THSD7A: variants seen among roughly 807,000 people sequenced by gnomAD.
THSD7A encodes thrombospondin type 1 domain containing 7A.
A neutral mutation model predicts 231.3 loss-of-function variants in THSD7A; 96 were observed. The ratio of observed to expected loss-of-function variants is 0.41; its 90% CI spans 0.35 to 0.49. THSD7A has a LOEUF of 0.49. Among genes scored for constraint, THSD7A ranks in the 20% least tolerant of loss-of-function variants. THSD7A has a pLI of 0.05. For synonymous variants in THSD7A, 940 were observed against 743.3 expected, an observed-to-expected ratio of 1.26 and a Z score of -4.30; for missense variants, 2,290 against 2,070.2, an observed-to-expected ratio of 1.11 and a Z score of -2.06.
intron 1 of THSD7A, among the ~76,000 whole-genome samples, chr7:11,676,015 C>T (rs1783623299): frequency 6.6e-6 from 1 of 152,180 alleles, no homozygotes; most frequent in African/African-American, 2.4e-5. Flanking sequence ...TACAAGAGAG[C>T]CCTGGCTGGA....
chr7:11,701,765 T>C (rs1446113246), intron 1 of THSD7A, among the ~76,000 whole-genome samples: 5 of 151,144 alleles, frequency 3.3e-5, no homozygotes, highest in African/African-American at 7.3e-5. Flanking sequence ...CTAGCTGACA[T>C]GTTTATATAT....
chr7:11,765,375 A>G (rs1336612719), intron 1 of THSD7A, among the ~76,000 whole-genome samples: 3 of 152,214 alleles, frequency 2.0e-5, no homozygotes, highest in Non-Finnish European at 4.4e-5. Flanking sequence ...GCATGTGTTA[A>G]TGAGATATAC....
chr7:11,744,837 A>C (rs528714697), intron 1 of THSD7A, among the ~76,000 whole-genome samples: 3 of 152,014 alleles, frequency 2.0e-5, no homozygotes, highest in South Asian at 2.1e-4. Flanking sequence ...AATCCAGTCT[A>C]TCATTTTTTG....
At chr7:11,434,946 G>C (rs1239207290) in intron 13 of THSD7A, among the ~76,000 whole-genome samples, 3 of 151,680 alleles carry the variant, frequency 2.0e-5, no homozygotes, top group African/African-American at 7.3e-5. Context: ...ATCAATATTA[G>C]GCAATTAATT....
chr7:11,488,705 A>G (rs1786763837), intron 6 of THSD7A, among the ~76,000 whole-genome samples: 1 of 152,054 alleles, frequency 6.6e-6, no homozygotes, highest in African/African-American at 2.4e-5. Context: ...TCTAAAATCT[A>G]AGTCTGAATA....
chr7:11,788,001 T>C (rs578053000), intron 1 of THSD7A, among the ~76,000 whole-genome samples: 3 of 152,194 alleles, frequency 2.0e-5, no homozygotes, highest in East Asian at 3.9e-4. Flanking sequence ...TTCTACAGTC[T>C]GCAAAGTTCA....
chr7:11,755,063 G>C (rs958532265), intron 1 of THSD7A, among the ~76,000 whole-genome samples: 14 of 152,134 alleles, frequency 9.2e-5, no homozygotes, highest in African/African-American at 3.4e-4. Context: ...TCTTAACCAG[G>C]GGTCACTTTG....
Position 11,769,122 on chromosome 7 carries a change from A to ATATATATATATATATATAT in THSD7A, c.190+62634_190+62635insATATATATATATATATATA, listed in dbSNP as rs1491347103. Among the ~76,000 whole-genome samples the ATATATATATATATATATAT allele has an allele frequency of 2.0e-3, 73 of 35,882 alleles. 13 individuals are homozygous for ATATATATATATATATATAT. Among genetic ancestry groups the ATATATATATATATATATAT allele is most frequent in the East Asian group, 3.1e-3 (5 of 1,610 alleles). The allele number at this position is 35,882 out of a possible 152,430, so 23.5% of individuals were successfully genotyped here. On this transcript the variant is annotated intron_variant, in intron 1 of 27. Transcript: ENST00000423059. ...ACAGGCACCTGCCATAATTCCTGGC[A>ATATATATATATATATATAT]ATATATATATATATATATATATATA... is the stretch of plus-strand genomic sequence containing the variant.
chr7:11,684,232 C>G (rs1229179512), intron 1 of THSD7A, among the ~76,000 whole-genome samples: 1 of 151,720 alleles, frequency 6.6e-6, no homozygotes, highest in Non-Finnish European at 1.5e-5. Context: ...AGAAATATAT[C>G]TCAAAATAAT....
chr7:11,636,375 G>T lies in THSD7A; in HGVS notation c.777C>A (p.Pro259=). 6.2e-7 allele frequency: 1 copy of T among 1,613,816 alleles called. No homozygotes were observed. Among genetic ancestry groups the T allele is most frequent in the Non-Finnish European group, 8.5e-7 (1 of 1,179,898 alleles). The change falls in exon 2 of 28, where the codon CCC becomes CCA. Residue 259 remains proline, a synonymous_variant. Coordinates refer to ENST00000423059, the MANE Select transcript of THSD7A (RefSeq NM_015204.3). This position sits in a 1 kb window ranked among gnomAD's most constrained non-coding sequence, Gnocchi z 10.0. ...EELRYSLHVG[P]WSTCSMPHSR... ...AGTGGGGCATTGAGCAGGTGCTCCA[G>T]GGCCCCACATGCAGGCTGTACCTGA... is the stretch of plus-strand genomic sequence containing the variant.
chr7:11,738,434 T>C (rs1224575827), intron 1 of THSD7A, among the ~76,000 whole-genome samples: 3 of 152,134 alleles, frequency 2.0e-5, no homozygotes, highest in South Asian at 2.1e-4. Context: ...GTTAACCCAA[T>C]ATGAATCAAA....
intron 9 of THSD7A, among the ~76,000 whole-genome samples, chr7:11,466,367 C>A (rs1289678500): frequency 6.6e-6 from 1 of 152,018 alleles, no homozygotes; most frequent in Non-Finnish European, 1.5e-5. Flanking sequence ...ATGAAAAAAA[C>A]TAACCTCATG....
intron 4 of THSD7A, among the ~76,000 whole-genome samples, chr7:11,558,541 G>A (rs1789943063): frequency 1.3e-5 from 2 of 151,964 alleles, no homozygotes; most frequent in Admixed American, 6.6e-5. Context: ...CATATCCAGG[G>A]ATCTTTAATT....
At chr7:11,630,858 GAGA>G (rs1781623991) in intron 2 of THSD7A, among the ~76,000 whole-genome samples, 1 of 152,194 alleles carries the variant, frequency 6.6e-6, no homozygotes. Flanking sequence ...TTCATTTGAG[GAGA>G]AGGTGAGCTG....
At chr7:11,417,920 G>A (rs1784015820) in intron 16 of THSD7A, among the ~76,000 whole-genome samples, 1 of 152,144 alleles carries the variant, frequency 6.6e-6, no homozygotes, top group Non-Finnish European at 1.5e-5. Flanking sequence ...GAAAGAAGAG[G>A]GTCATTTATA....
chr7:11,602,768 T>C (rs1282719650), intron 2 of THSD7A, among the ~76,000 whole-genome samples: 1 of 151,778 alleles, frequency 6.6e-6, no homozygotes, highest in Non-Finnish European at 1.5e-5. Context: ...AAAAAGAAGA[T>C]GATATTTGTA....
At chr7:11,477,598 ATTTT>A (rs768314964) in intron 7 of THSD7A, among the ~76,000 whole-genome samples, 2 of 152,072 alleles carry the variant, frequency 1.3e-5, no homozygotes, top group Non-Finnish European at 2.9e-5. Context: ...TGGTATTATT[ATTTT>A]GTCATTAAAA....
chr7:11,541,768 C>T, intron 5 of THSD7A, 137 bp from the exon 6 acceptor site: 3 of 746,512 alleles, frequency 4.0e-6, no homozygotes, highest in Non-Finnish European at 6.7e-6. Context: ...CTGGTGTATC[C>T]CCAAACTGTA....
At chr7:11,639,128 A>T (rs1341237617) in intron 1 of THSD7A, among the ~76,000 whole-genome samples, 1 of 152,168 alleles carries the variant, frequency 6.6e-6, no homozygotes, top group African/African-American at 2.4e-5. Flanking sequence ...ATTAAGTCTG[A>T]ATTTGAAAAT....
Sources: allele counts gnomAD v4.1 joint callset (sites outside exome capture counted in the v4.1 genomes callset), GRCh38; gene constraint gnomAD v4.1.1; non-coding constraint Gnocchi (gnomAD v3.1); transcripts MANE v1.5; gene names NCBI Gene and HGNC (gene_info 2026-07-23, HGNC 2026-07-21).